Variants in CSMD2 observed in about 807,000 individuals in gnomAD.
The protein encoded by CSMD2 is CUB and Sushi multiple domains 2, also known as CUB and sushi domain-containing protein 2.
Under a neutral mutation model 398.5 loss-of-function variants are expected in CSMD2, and 130 were observed. That is an observed-to-expected ratio of 0.33 (90% CI 0.28 to 0.38). The LOEUF is 0.38. CSMD2 is among the 10% of genes least tolerant of loss of function. The pLI is 1.00. For missense variants in CSMD2, 3,829 were observed against 4,764.9 expected (o/e 0.80, Z 5.78); for synonymous variants, 1,828 against 1,908.5 (o/e 0.96, Z 1.10).
chr1:34,103,535 T>C (rs1279765715), intron 1 of CSMD2, among the ~76,000 whole-genome samples: 1 of 152,104 alleles, frequency 6.6e-6, no homozygotes, highest in East Asian at 1.9e-4. Flanking sequence ...GACCTTGCGA[T>C]TCGCCCACCT....
chr1:33,735,063 A>G (rs528373384), intron 15 of CSMD2, among the ~76,000 whole-genome samples: 27 of 152,240 alleles, frequency 1.8e-4, no homozygotes, highest in African/African-American at 6.5e-4. Flanking sequence ...TTCTACGGGG[A>G]TGTCGAAAGT....
At chr1:33,815,701 A>G (rs1657382248) in intron 9 of CSMD2, among the ~76,000 whole-genome samples, 1 of 152,236 alleles carries the variant, frequency 6.6e-6, no homozygotes, top group Non-Finnish European at 1.5e-5. Context: ...GGTTATTGCC[A>G]CTTTACTCAT....
intron 12 of CSMD2, among the ~76,000 whole-genome samples, chr1:33,786,430 G>A (rs1370358420): frequency 6.6e-6 from 1 of 152,118 alleles, no homozygotes; most frequent in Non-Finnish European, 1.5e-5. Flanking sequence ...CTGAATCAAG[G>A]TCTCCTGATA....
rs766049445 is a variant in CSMD2 at position 33,633,416 on chromosome 1, G to A, written c.5200+6C>T. On this transcript the variant is annotated splice_donor_region_variant and intron_variant, in intron 32 of 70. Transcript: ENST00000373381. The surrounding 1 kb of genome is among the most constrained non-coding windows in gnomAD (Gnocchi z 5.0). ...ACCATCCCCACACTGGCCGAGCCCC[G>A]GATACCTGTATGGGAGCCCGAGAGG... 1 of 1,547,996 alleles carries A rather than the reference G, an allele frequency of 6.5e-7. No homozygotes were observed. Among genetic ancestry groups the A allele is most frequent in the South Asian group, 1.2e-5 (1 of 83,956 alleles).
chr1:33,682,868 T>C (rs911933783), intron 25 of CSMD2, among the ~76,000 whole-genome samples: 1 of 152,196 alleles, frequency 6.6e-6, no homozygotes, highest in Non-Finnish European at 1.5e-5. Flanking sequence ...ACGTTGTATC[T>C]AATTTATTTT....
At chr1:33,829,957 G>T (rs1490299689) in intron 6 of CSMD2, among the ~76,000 whole-genome samples, 1 of 152,228 alleles carries the variant, frequency 6.6e-6, no homozygotes, top group Non-Finnish European at 1.5e-5. Context: ...GGCGGGGGGA[G>T]GGGCGCCCGC....
intron 3 of CSMD2, among the ~76,000 whole-genome samples, chr1:34,009,941 C>T (rs967365967): frequency 1.3e-4 from 20 of 152,202 alleles, no homozygotes; most frequent in African/African-American, 4.6e-4. Context: ...GGGCTCCCAG[C>T]CTCCAGTCTT....
At chr1:33,724,076 G>A (rs758521272) in intron 19 of CSMD2, 121 bp downstream of exon 19, 4 of 700,144 alleles carry the variant, frequency 5.7e-6, no homozygotes, top group African/African-American at 1.8e-5. Flanking sequence ...GGTGAGAAAA[G>A]TTCAGACGAA....
chr1:33,587,381 T>A (rs533649629), intron 44 of CSMD2, among the ~76,000 whole-genome samples: 12 of 152,150 alleles, frequency 7.9e-5, no homozygotes, highest in Non-Finnish European at 1.5e-4. Context: ...AGAGGGGCAA[T>A]CTAAGGAGTC....
chr1:33,933,457 T>C lies in CSMD2; in HGVS notation c.712+2303A>G, dbSNP rs556509563. On this transcript the variant is annotated intron_variant, in intron 4 of 70. Transcript: ENST00000373381. ...TTTCTGGTTTTTATCTTGAACAAAA[T>C]AGCATGGCATTTATAGTGCTGCAAA... is the stretch of plus-strand genomic sequence containing the variant. Among the ~76,000 whole-genome samples the C allele has an allele frequency of 5.9e-5, 9 of 152,336 alleles. No homozygotes were observed. The East Asian group carries it at 1.7e-3, about 29-fold the overall frequency.
chr1:33,554,088 A>G (rs1657724395), intron 55 of CSMD2, among the ~76,000 whole-genome samples: 1 of 151,456 alleles, frequency 6.6e-6, no homozygotes, highest in Non-Finnish European at 1.5e-5. Flanking sequence ...GCAAGTGCTG[A>G]TGTGGAAGCT....
At chr1:33,526,459 T>C (rs1654783566) in intron 65 of CSMD2, among the ~76,000 whole-genome samples, 1 of 152,254 alleles carries the variant, frequency 6.6e-6, no homozygotes, top group African/African-American at 2.4e-5. Context: ...AGGGGTTAAA[T>C]GACTAATGTT....
At position 33,882,171 on chromosome 1, in the gene CSMD2, G is replaced by A. The variant is rs183354432; in HGVS notation, c.921-35175C>T. 1.5e-4 allele frequency: 23 copies of A among 152,292 alleles called. No homozygotes were observed. The East Asian group carries it at 3.5e-3, about 23-fold the overall frequency. 9.4% of individuals were successfully genotyped at this position (152,292 alleles called of 1,614,324 possible). A position where few individuals can be genotyped will look rare whatever the true frequency, so the allele number is the denominator to read the frequency against. On this transcript the variant is annotated intron_variant, in intron 5 of 70. Coordinates refer to ENST00000373381, the MANE Select transcript of CSMD2 (RefSeq NM_001281956.2). ...TATAATCCCACCAACAGGACATGAA[G>A]TTCTAAGAGGTTCAGTGACTTGTCT...
rs1231059933 is a variant in CSMD2, at chr1:33,571,577, C to T, written c.7912G>A (p.Ala2638Thr). 1 of 1,540,386 alleles carries T rather than the reference C, an allele frequency of 6.5e-7. No homozygotes were observed. The highest frequency in any genetic ancestry group is 8.8e-7 in the Non-Finnish European group (1 of 1,131,058). Reference sequence around the variant, plus strand: ...TCCCCGAGGCTCCATTTGCCATTGGCCTGACAGCGGATGACCCTTTGGCCA... The same window carrying T: ...TCCCCGAGGCTCCATTTGCCATTGGTCTGACAGCGGATGACCCTTTGGCCA... ...YTGQRVIRCQ[A>T]NGKWSLGDST... Residue 2638 changes from alanine (A) to threonine (T), a missense_variant, in exon 51 of 71, where the codon GCC becomes ACC. Physicochemically the swap from Ala to Thr is moderately conservative, Grantham distance 58. Transcript: ENST00000373381.
intron 1 of CSMD2, among the ~76,000 whole-genome samples, chr1:34,142,181 G>A (rs1222927556): frequency 1.3e-5 from 2 of 152,120 alleles, no homozygotes; most frequent in Non-Finnish European, 2.9e-5. Context: ...TTGCTGCCAC[G>A]GCCTTTGGGG....
intron 5 of CSMD2, among the ~76,000 whole-genome samples, chr1:33,875,254 G>C (rs1640756755): frequency 6.6e-6 from 1 of 152,186 alleles, no homozygotes; most frequent in Non-Finnish European, 1.5e-5. Context: ...CAGTGCCCAG[G>C]GCAAACATAA....
intron 3 of CSMD2, among the ~76,000 whole-genome samples, chr1:34,002,461 A>G (rs1646932671): frequency 6.6e-6 from 1 of 152,134 alleles, no homozygotes; most frequent in Admixed American, 6.5e-5. Flanking sequence ...TCAGTTTCTC[A>G]CCTGTAAAAT....
In CSMD2 at chr1:33,780,604, G is replaced by C. The variant is rs556050142; in HGVS notation, c.1664-7853C>G. Among the ~76,000 whole-genome samples the C allele has an allele frequency of 2.6e-5, 4 of 152,340 alleles. No homozygotes were observed. The East Asian group carries it at 7.7e-4, about 29-fold the overall frequency. Reference sequence around the variant, plus strand: ...AAACTAAAGCTTACCGTTTGCAAAAGCTATGTATTTAGAGAGCACATCTCA... The same window carrying C: ...AAACTAAAGCTTACCGTTTGCAAAACCTATGTATTTAGAGAGCACATCTCA... On this transcript the variant is annotated intron_variant, in intron 12 of 70. Coordinates refer to ENST00000373381, the MANE Select transcript of CSMD2 (RefSeq NM_001281956.2).
intron 1 of CSMD2, among the ~76,000 whole-genome samples, chr1:34,142,502 A>G (rs1015679419): frequency 1.3e-5 from 2 of 152,216 alleles, no homozygotes; most frequent in African/African-American, 4.8e-5. Flanking sequence ...TGTTCAAGGC[A>G]GGCAGAAGGC....
Sources: allele counts gnomAD v4.1 joint callset (sites outside exome capture counted in the v4.1 genomes callset), GRCh38; gene constraint gnomAD v4.1.1; non-coding constraint Gnocchi (gnomAD v3.1); transcripts MANE v1.5; gene names NCBI Gene and HGNC (gene_info 2026-07-23, HGNC 2026-07-21).